FRMPD4: variants seen among roughly 807,000 people sequenced by gnomAD.
FRMPD4 encodes the protein FERM and PDZ domain-containing protein 4.
Under a neutral mutation model 94.1 loss-of-function variants are expected in FRMPD4, and 22 were observed. The ratio of observed to expected loss-of-function variants is 0.23; its 90% CI spans 0.17 to 0.33. The LOEUF (loss-of-function observed/expected upper bound fraction) is 0.33. Ranked by LOEUF, FRMPD4 falls within the 10% of genes least tolerant of loss-of-function variation. FRMPD4 has a pLI of 1.00. For missense variants in FRMPD4, 1,111 were observed against 1,339.9 expected (o/e 0.83, Z 2.67); for synonymous variants, 631 against 548.6 (o/e 1.15, Z -2.10).
At chrX:12,606,560 G>A (rs1031799515) in intron 2 of FRMPD4, among the ~76,000 whole-genome samples, 105 of 111,633 alleles carry the variant, frequency 9.4e-4, no homozygotes, top group Non-Finnish European at 9.4e-5. Context: ...AGAAGGAAAA[G>A]CCTTCCTCAG....
intron 1 of FRMPD4, among the ~76,000 whole-genome samples, chrX:12,207,592 T>G (rs749401474): frequency 9.2e-6 from 1 of 108,527 alleles, no homozygotes; most frequent in South Asian, 4.2e-4. Flanking sequence ...GAGGAGCACA[T>G]CAGGCAGGAT....
At chrX:12,589,640 G>A (rs1045947921) in intron 2 of FRMPD4, among the ~76,000 whole-genome samples, 5 of 111,488 alleles carry the variant, frequency 4.5e-5, no homozygotes, top group Admixed American at 9.5e-5. Context: ...TATTAAACAC[G>A]TTCTGAGACA....
chrX:12,711,189 G>A (rs965605210), intron 14 of FRMPD4, among the ~76,000 whole-genome samples: 6 of 111,514 alleles, frequency 5.4e-5, no homozygotes, highest in Non-Finnish European at 7.5e-5. Flanking sequence ...TGGAATGCCC[G>A]AACACGAGTT....
chrX:12,278,435 A>G (rs2054475385), intron 1 of FRMPD4, among the ~76,000 whole-genome samples: 1 of 112,029 alleles, frequency 8.9e-6, no homozygotes. Flanking sequence ...CCTATCACTC[A>G]TTCTGTGCAC....
At chrX:12,143,143 T>C (rs1438553211) in intron 1 of FRMPD4, among the ~76,000 whole-genome samples, 1 of 112,061 alleles carries the variant, frequency 8.9e-6, no homozygotes, top group Non-Finnish European at 1.9e-5. Flanking sequence ...TGTTTAAGCA[T>C]ACCGTCCTGA....
intron 7 of FRMPD4, among the ~76,000 whole-genome samples, chrX:12,689,630 A>G (rs933776760): frequency 2.7e-5 from 3 of 112,618 alleles, no homozygotes; most frequent in African/African-American, 9.7e-5. Flanking sequence ...CAGCAAGCAG[A>G]TATTTCAGTC....
At chrX:12,147,340 A>G in intron 1 of FRMPD4, among the ~76,000 whole-genome samples, 1 of 111,891 alleles carries the variant, frequency 8.9e-6, no homozygotes, top group East Asian at 2.8e-4. Context: ...TTGGTAGGAG[A>G]ATGCCTTTAA....
At chrX:12,212,919 C>T (rs184073239) in intron 1 of FRMPD4, among the ~76,000 whole-genome samples, 2 of 111,426 alleles carry the variant, frequency 1.8e-5, no homozygotes, top group East Asian at 5.6e-4. Context: ...TCTGAGAAGT[C>T]TGGACTGTTT....
chrX:12,550,934 GTATATA>G (rs10573816), intron 2 of FRMPD4, among the ~76,000 whole-genome samples: 12 of 106,131 alleles, frequency 1.1e-4, no homozygotes, highest in Non-Finnish European at 2.3e-4. Context: ...ATATGCATAT[GTATATA>G]TATATCATAC....
rs181930001 is a variant in FRMPD4, at chrX:11,951,325, A to C, written c.95+73307A>C. Among the ~76,000 whole-genome samples, 13 of 111,374 alleles carry C rather than the reference A, an allele frequency of 1.2e-4. No individual in the cohort carries two copies. The East Asian group carries it at 3.4e-3, about 29-fold the overall frequency. On this transcript the variant is annotated intron_variant, in intron 3 of 18. Transcript: ENST00000640291. ...GTCACAGCACTATTCACAATAGCAAAGACATGGAATCAACCTAAGAGCCTG... is the reference window on the plus strand; with the variant it reads ...GTCACAGCACTATTCACAATAGCAACGACATGGAATCAACCTAAGAGCCTG...
At chrX:12,698,141 C>T (rs2060152100) in intron 9 of FRMPD4, among the ~76,000 whole-genome samples, 1 of 111,838 alleles carries the variant, frequency 8.9e-6, no homozygotes, top group African/African-American at 3.2e-5. Context: ...AAGATAAAAT[C>T]AATTTAACTT....
chrX:12,538,957 GAGA>G (rs1238511638), intron 2 of FRMPD4, among the ~76,000 whole-genome samples: 2 of 112,343 alleles, frequency 1.8e-5, no homozygotes, highest in African/African-American at 6.5e-5. Flanking sequence ...GACAAGTTGG[GAGA>G]AGAAGGCTTC....
intron 2 of FRMPD4, among the ~76,000 whole-genome samples, chrX:12,558,813 T>C (rs1231455796): frequency 1.8e-5 from 2 of 111,703 alleles, no homozygotes; most frequent in African/African-American, 3.3e-5. Context: ...GGCAGAAGGA[T>C]TGTGTGAGGT....
chrX:12,170,263 G>A lies in FRMPD4; in HGVS notation c.41+31251G>A, dbSNP rs1036050934. On this transcript the variant is annotated intron_variant, in intron 1 of 16. Transcript: ENST00000675598. The stretch of plus-strand genomic sequence containing the variant: ...CTTGAAATAGTTGGTTGCTTGAAAC[G>A]GGGAGGAATTATGGTTGTCAATCAT... Among the ~76,000 whole-genome samples the A allele has an allele frequency of 5.5e-5, 6 of 108,756 alleles. No homozygotes were observed. The South Asian group carries it at 1.7e-3, about 30-fold the overall frequency. The allele number at this position is 108,756 out of a possible 115,157, so 94.4% of individuals were successfully genotyped here.
chrX:11,902,612 G>A (rs2053944643), intron 3 of FRMPD4, among the ~76,000 whole-genome samples: 1 of 111,231 alleles, frequency 9.0e-6, no homozygotes, highest in South Asian at 3.9e-4. Flanking sequence ...TGGGGGTTAG[G>A]ACTTTAATAG....
chrX:12,536,735 G>A (rs918106970), intron 2 of FRMPD4, among the ~76,000 whole-genome samples: 3 of 111,530 alleles, frequency 2.7e-5, no homozygotes, highest in African/African-American at 9.8e-5. Flanking sequence ...TTGTGCATTT[G>A]ATGGTTATAA....
chrX:12,251,384 G>A (rs537465754), intron 1 of FRMPD4, among the ~76,000 whole-genome samples: 1 of 112,235 alleles, frequency 8.9e-6, no homozygotes, highest in Non-Finnish European at 1.9e-5. Context: ...CGAATAGAAA[G>A]CTGGAAGTAG....
intron 4 of FRMPD4, among the ~76,000 whole-genome samples, chrX:12,647,647 T>C (rs1390936968): frequency 8.9e-6 from 1 of 111,978 alleles, no homozygotes; most frequent in East Asian, 2.8e-4. Flanking sequence ...ATTGCAAATG[T>C]AATGGCCTTA....
chrX:12,253,110 C>G (rs1183542560), intron 1 of FRMPD4, among the ~76,000 whole-genome samples: 1 of 111,704 alleles, frequency 9.0e-6, no homozygotes, highest in African/African-American at 3.3e-5. Context: ...GCAAGACATG[C>G]AGAAGTGCAG....
Sources: allele counts gnomAD v4.1 joint callset (sites outside exome capture counted in the v4.1 genomes callset), GRCh38; gene constraint gnomAD v4.1.1; transcripts MANE v1.5; gene names NCBI Gene and HGNC (gene_info 2026-07-23, HGNC 2026-07-21).